OPN4: variants seen among roughly 807,000 people sequenced by gnomAD.
The protein encoded by OPN4 is opsin 4.
OPN4 carries 43 observed loss-of-function variants against 49.5 expected under a neutral mutation model. The observed-to-expected ratio is 0.87, with a 90% CI of 0.68 to 1.12. OPN4 has a LOEUF of 1.12. Ranked by LOEUF, OPN4 falls within the 50% of genes most tolerant of loss-of-function variation. OPN4 has a pLI of 0.00. For missense variants in OPN4, 657 were observed against 643.9 expected, an observed-to-expected ratio of 1.02 and a Z score of -0.22; for synonymous variants, 263 against 258.0, an observed-to-expected ratio of 1.02 and a Z score of -0.19.
chr10:86,656,959 A>G (rs1474809273), intron 2 of OPN4, among the ~76,000 whole-genome samples: 2 of 150,876 alleles, frequency 1.3e-5, no homozygotes, highest in African/African-American at 4.9e-5. Flanking sequence ...AAAAAAAAAA[A>G]AAAAAAAGAG....
intron 1 of OPN4, among the ~76,000 whole-genome samples, chr10:86,655,946 A>G (rs1261929940): frequency 6.6e-6 from 1 of 152,174 alleles, no homozygotes; most frequent in Non-Finnish European, 1.5e-5. Flanking sequence ...CCCCTGTGCC[A>G]TGTTCTAGGA....
At chr10:86,665,118 A>G (rs1844117649) in intron 9 of OPN4, among the ~76,000 whole-genome samples, 1 of 151,990 alleles carries the variant, frequency 6.6e-6, no homozygotes, top group East Asian at 1.9e-4. Flanking sequence ...CAGGGGAGGG[A>G]GCTCAATATG....
At position 86,658,063 on chromosome 10, in the gene OPN4, T is replaced by C; in HGVS notation, c.322T>C (p.Phe108Leu). 4 of 1,613,766 alleles carry C rather than the reference T, an allele frequency of 2.5e-6. No individual in the cohort carries two copies. Among genetic ancestry groups the C allele is most frequent in the East Asian group, 2.2e-5 (1 of 44,866 alleles). ...AAGCCTCCGGACACCTGCCAACATG[T>C]TCATTATCAACCTCGCGGTCAGCGA... ...SRSLRTPANMFIINLAVSDFL... is the reference protein window; with the variant it reads ...SRSLRTPANMLIINLAVSDFL... The change falls in exon 3 of 10, where the codon TTC becomes CTC. Residue 108 changes from phenylalanine to leucine, a missense_variant. By Grantham distance (22) the Phe-to-Leu change is conservative. Coordinates refer to ENST00000241891, the MANE Select transcript of OPN4 (RefSeq NM_033282.4).
In OPN4 at chr10:86,660,047, T is replaced by C. The variant is rs766193671; in HGVS notation, c.953T>C (p.Val318Ala). The part of the protein sequence containing the change: ...SWAPYSAVAL[V>A]AFAGYAHVLT... ...GCTCCCTATTCCGCTGTGGCCCTGGTGGCCTTTGCTGGGTAAGCAGTGGCT... is the reference window on the plus strand; with the variant it reads ...GCTCCCTATTCCGCTGTGGCCCTGGCGGCCTTTGCTGGGTAAGCAGTGGCT... Residue 318 changes from valine (V) to alanine (A), a missense_variant, in exon 6 of 10, where the codon GTG (valine) becomes GCG (alanine). Val to Ala is a moderately conservative substitution (Grantham distance 64). Coordinates refer to ENST00000241891, the MANE Select transcript of OPN4 (RefSeq NM_033282.4). The C allele has an allele frequency of 6.2e-7, 1 of 1,614,056 alleles. No individual in the cohort carries two copies. Among genetic ancestry groups the C allele is most frequent in the African/African-American group, 1.3e-5 (1 of 74,938 alleles).
intron 8 of OPN4, among the ~76,000 whole-genome samples, chr10:86,662,851 C>T (rs1182797121): frequency 6.6e-6 from 1 of 152,278 alleles, no homozygotes; most frequent in Non-Finnish European, 1.5e-5. Context: ...TCCTGGGAGA[C>T]TTGAAGAGCT....
chr10:86,661,259 G>A (rs773351047), intron 6 of OPN4, 22 bp from the exon 7 acceptor site: 25 of 1,598,368 alleles, frequency 1.6e-5, no homozygotes, highest in Non-Finnish European at 2.1e-5. Flanking sequence ...CTAGCTTGGG[G>A]ACCACACCTT....
At chr10:86,656,510 T>C (rs1391777409) in intron 2 of OPN4, among the ~76,000 whole-genome samples, 1 of 152,200 alleles carries the variant, frequency 6.6e-6, no homozygotes, top group Non-Finnish European at 1.5e-5. Flanking sequence ...GAGACTTGAC[T>C]GACTGGCACT....
At position 86,658,581 on chromosome 10, in the gene OPN4, C is replaced by G. The variant is rs1843927257; in HGVS notation, c.522C>G (p.Arg174=). ...TGGACCGCTACCTGGTAATCACACG[C>G]CCGCTGGCCACCTTTGGTGTGGCGT... ...IALDRYLVIT[R]PLATFGVASK... is the part of the protein sequence containing the mutation. Residue 174 remains arginine (R), a synonymous_variant, in exon 4 of 10, where the codon CGC becomes CGG. Coordinates refer to ENST00000241891, the MANE Select transcript of OPN4 (RefSeq NM_033282.4). 4 of 1,614,208 alleles carry G rather than the reference C, an allele frequency of 2.5e-6. No individual in the cohort carries two copies. The East Asian group carries it at 8.9e-5, about 36-fold the overall frequency.
At chr10:86,663,576 A>G (rs2132309199) in intron 8 of OPN4, 83 bp from the exon 9 acceptor site, 3 of 1,296,768 alleles carry the variant, frequency 2.3e-6, no homozygotes, top group Non-Finnish European at 3.1e-6. Flanking sequence ...TGGGAGGATG[A>G]AGGAGGGCCT....
intron 1 of OPN4, among the ~76,000 whole-genome samples, chr10:86,655,689 C>A (rs1843845790): frequency 6.6e-6 from 1 of 152,196 alleles, no homozygotes; most frequent in Non-Finnish European, 1.5e-5. Flanking sequence ...TCCTCTAAGG[C>A]TCAGTAGGGG....
At chr10:86,662,737 C>T (rs1429882466) in intron 8 of OPN4, among the ~76,000 whole-genome samples, 1 of 152,250 alleles carries the variant, frequency 6.6e-6, no homozygotes, top group Non-Finnish European at 1.5e-5. Flanking sequence ...CTCCCTAGAG[C>T]CGCAGCCTGA....
rs532902736 is a variant in OPN4, at chr10:86,662,522, G to A, written c.1254+90G>A. On this transcript the variant is annotated intron_variant, in intron 8 of 9. Coordinates refer to ENST00000241891, the MANE Select transcript of OPN4 (RefSeq NM_033282.4). ...CTGGGGAATACATAGGCCCTGGCAG[G>A]GCTGCCTCTGAGACTCAGGGACACT... The A allele has an allele frequency of 1.5e-5, 20 of 1,301,978 alleles. No individual in the cohort carries two copies. The South Asian group carries it at 2.6e-4, about 17-fold the overall frequency. The allele number at this position is 1,301,978 out of a possible 1,614,324, so 80.7% of individuals were successfully genotyped here. A position where few individuals can be genotyped will look rare whatever the true frequency, so the allele number is the denominator to read the frequency against.
At chr10:86,662,640 C>G (rs993311538) in intron 8 of OPN4, among the ~76,000 whole-genome samples, 2 of 152,222 alleles carry the variant, frequency 1.3e-5, no homozygotes, top group Non-Finnish European at 2.9e-5. Context: ...AGGGCCAGAG[C>G]GGGGATGGTT....
At chr10:86,660,217 C>T (rs746659099) in intron 6 of OPN4, among the ~76,000 whole-genome samples, 158 bp downstream of exon 6, 5 of 152,230 alleles carry the variant, frequency 3.3e-5, no homozygotes, top group Admixed American at 6.5e-5. Flanking sequence ...AGGTGCCCAG[C>T]CCCGGGGTGG....
intron 1 of OPN4, among the ~76,000 whole-genome samples, chr10:86,655,392 C>T (rs980382678): frequency 6.6e-6 from 1 of 152,180 alleles, no homozygotes; most frequent in Non-Finnish European, 1.5e-5. Flanking sequence ...GCCGAGGGCA[C>T]CCTCAGGACC....
rs559717015 is a variant in OPN4 at position 86,664,375 on chromosome 10, C to G, written c.1398+573C>G. On this transcript the variant is annotated intron_variant, in intron 9 of 9. Coordinates refer to ENST00000241891, the MANE Select transcript of OPN4 (RefSeq NM_033282.4). ...TGTGGATGTGCTCACCATAAATGCC[C>G]TAAGATCAGGATGTCACCCGGAATA... 4.6e-5 allele frequency among the ~76,000 whole-genome samples: 7 copies of G among 152,286 alleles called. No individual in the cohort carries two copies. In the East Asian group the frequency reaches 1.4e-3, roughly 29 times the overall value.
In OPN4 at chr10:86,661,294, C is replaced by T. The variant is rs148803205; in HGVS notation, c.979C>T (p.Leu327=). 76 of 1,613,834 alleles carry T rather than the reference C, an allele frequency of 4.7e-5. No homozygotes were observed. Among genetic ancestry groups the T allele is most frequent in the Admixed American group, 1.5e-4 (9 of 59,998 alleles). ...LVAFAGYAHV[L]TPYMSSVPAV... ...TCTCTGTCCTAGGTACGCACACGTCCTGACACCCTACATGAGCTCGGTGCC... is the reference window on the plus strand; with the variant it reads ...TCTCTGTCCTAGGTACGCACACGTCTTGACACCCTACATGAGCTCGGTGCC... The change falls in exon 7 of 10, where the codon CTG becomes TTG. Residue 327 remains leucine (L), a synonymous_variant. Coordinates refer to ENST00000241891, the MANE Select transcript of OPN4 (RefSeq NM_033282.4).
chr10:86,657,360 C>A (rs573418017), intron 2 of OPN4: 3 of 674,028 alleles, frequency 4.5e-6, no homozygotes, highest in Non-Finnish European at 8.2e-6. Context: ...AGGGTAGATG[C>A]AAAGATGGAT....
intron 7 of OPN4, among the ~76,000 whole-genome samples, chr10:86,661,700 G>A (rs3824750): frequency 0.33 from 32,768 of 100,764 alleles, 3,695 homozygotes; most frequent in South Asian, 0.44. Flanking sequence ...CCCCCGCCCC[G>A]CCCTCCCCGA....
Sources: allele counts gnomAD v4.1 joint callset (sites outside exome capture counted in the v4.1 genomes callset), GRCh38; gene constraint gnomAD v4.1.1; transcripts MANE v1.5; gene names NCBI Gene and HGNC (gene_info 2026-07-23, HGNC 2026-07-21).